INPP4B: variants seen among roughly 807,000 people sequenced by gnomAD.
The protein encoded by INPP4B is inositol polyphosphate-4-phosphatase type II B.
A neutral mutation model predicts 122.5 loss-of-function variants in INPP4B; 55 were observed. The observed-to-expected ratio is 0.45, with a 90% CI of 0.36 to 0.56. The LOEUF is 0.56. Ranked by LOEUF, INPP4B falls within the 20% of genes least tolerant of loss-of-function variation. INPP4B has a pLI of 0.00. For synonymous variants in INPP4B, 403 were observed against 388.7 expected (o/e 1.04, Z -0.43); for missense variants, 1,000 against 1,097.7 (o/e 0.91, Z 1.26).
chr4:142,747,592 T>A (rs1450862591), intron 1 of INPP4B, among the ~76,000 whole-genome samples: 1 of 152,176 alleles, frequency 6.6e-6, no homozygotes, highest in Admixed American at 6.6e-5. Flanking sequence ...TGTGGCACTG[T>A]TCACAATAGC....
chr4:142,302,177 T>G (rs1262605733), intron 9 of INPP4B, among the ~76,000 whole-genome samples: 1 of 152,034 alleles, frequency 6.6e-6, no homozygotes, highest in Non-Finnish European at 1.5e-5. Context: ...CCCCTTAAAC[T>G]AACAGGCCCT....
chr4:142,783,401 A>G (rs1277867872), intron 1 of INPP4B, among the ~76,000 whole-genome samples: 4 of 152,152 alleles, frequency 2.6e-5, no homozygotes, highest in Non-Finnish European at 4.4e-5. Context: ...GCAGCCAAAA[A>G]ACACATGAAA....
At chr4:142,800,003 A>C (rs953806193) in intron 1 of INPP4B, among the ~76,000 whole-genome samples, 21 of 152,222 alleles carry the variant, frequency 1.4e-4, no homozygotes, top group Middle Eastern at 3.4e-3. Flanking sequence ...AAGTATAAAT[A>C]CTGAATCTAA....
At chr4:142,552,443 A>C (rs933884460) in intron 2 of INPP4B, among the ~76,000 whole-genome samples, 18 of 151,940 alleles carry the variant, frequency 1.2e-4, no homozygotes, top group African/African-American at 4.3e-4. Context: ...AAAAAAAAAC[A>C]AAAAGAAGAA....
At chr4:142,573,271 G>A (rs1166405402) in intron 2 of INPP4B, among the ~76,000 whole-genome samples, 1 of 151,972 alleles carries the variant, frequency 6.6e-6, no homozygotes, top group Non-Finnish European at 1.5e-5. Context: ...ACCCAACACT[G>A]GACATGAGAC....
At chr4:142,606,465 C>A (rs768873256) in intron 2 of INPP4B, among the ~76,000 whole-genome samples, 1 of 151,816 alleles carries the variant, frequency 6.6e-6, no homozygotes, top group Non-Finnish European at 1.5e-5. Flanking sequence ...ACCCCAATTA[C>A]CCTGACTTGA....
chr4:142,290,652 C>T (rs1756046343), intron 9 of INPP4B, among the ~76,000 whole-genome samples: 2 of 152,156 alleles, frequency 1.3e-5, no homozygotes, highest in Admixed American at 1.3e-4. Context: ...ACTACCACCA[C>T]CACCATTGCC....
chr4:142,081,635 G>A (rs1347472080), intron 25 of INPP4B, among the ~76,000 whole-genome samples: 1 of 152,012 alleles, frequency 6.6e-6, no homozygotes, highest in Non-Finnish European at 1.5e-5. Flanking sequence ...GTTTAATTTT[G>A]CAAGTACTCA....
At chr4:142,390,009 ATT>A (rs1003604422) in intron 7 of INPP4B, among the ~76,000 whole-genome samples, 3 of 152,320 alleles carry the variant, frequency 2.0e-5, no homozygotes, top group Admixed American at 6.5e-5. Context: ...TTAAAGGGGT[ATT>A]AAGTTTTTCT....
At chr4:142,115,747 C>T (rs2152721709) in intron 21 of INPP4B, among the ~76,000 whole-genome samples, 1 of 152,238 alleles carries the variant, frequency 6.6e-6, no homozygotes, top group East Asian at 1.9e-4. Flanking sequence ...GAAGAAACTG[C>T]ATCAACTAAC....
At chr4:142,688,733 A>G (rs1759726002) in intron 2 of INPP4B, among the ~76,000 whole-genome samples, 1 of 152,208 alleles carries the variant, frequency 6.6e-6, no homozygotes, top group African/African-American at 2.4e-5. Flanking sequence ...TTGTAGGACT[A>G]ACAAATTCGC....
At chr4:142,573,623 T>C (rs574316290) in intron 2 of INPP4B, among the ~76,000 whole-genome samples, 2 of 152,206 alleles carry the variant, frequency 1.3e-5, no homozygotes, top group East Asian at 1.9e-4. Flanking sequence ...AAAACCTCCA[T>C]CTATTACCTT....
intron 2 of INPP4B, among the ~76,000 whole-genome samples, chr4:142,717,302 A>G (rs979646266): frequency 9.2e-5 from 14 of 152,232 alleles, no homozygotes; most frequent in Non-Finnish European, 1.9e-4. Context: ...CTTACTATGT[A>G]CCAGTAACTA....
At chr4:142,788,737 A>T (rs931967734) in intron 1 of INPP4B, among the ~76,000 whole-genome samples, 3 of 152,012 alleles carry the variant, frequency 2.0e-5, no homozygotes, top group African/African-American at 7.2e-5. Context: ...TCCATTCTTG[A>T]GTTACTTCAC....
At chr4:142,808,103 TAC>T (rs34768563) in intron 1 of INPP4B, among the ~76,000 whole-genome samples, 13 of 149,350 alleles carry the variant, frequency 8.7e-5, no homozygotes, top group East Asian at 2.0e-4. Flanking sequence ...CATGATAAAA[TAC>T]ACACACACAC....
At chr4:142,098,392 C>T (rs1469193192) in intron 23 of INPP4B, among the ~76,000 whole-genome samples, 1 of 152,064 alleles carries the variant, frequency 6.6e-6, no homozygotes, top group African/African-American at 2.4e-5. Context: ...TTGGGGGTTA[C>T]TGGAAGAGTT....
At chr4:142,087,948 T>C (rs1277251439) in intron 23 of INPP4B, among the ~76,000 whole-genome samples, 1 of 152,090 alleles carries the variant, frequency 6.6e-6, no homozygotes, top group Non-Finnish European at 1.5e-5. Context: ...TTCAGATAGG[T>C]TTAGGGAAGT....
chr4:142,100,089 A>G (rs2152634451), intron 23 of INPP4B, among the ~76,000 whole-genome samples: 1 of 152,288 alleles, frequency 6.6e-6, no homozygotes, highest in South Asian at 2.1e-4. Context: ...ACTGAGTAGC[A>G]CAGGGGTCGA....
chr4:142,120,075 T>C (rs10006285), intron 21 of INPP4B, among the ~76,000 whole-genome samples: 18,957 of 151,776 alleles, frequency 0.12, 1,330 homozygotes, highest in East Asian at 0.24. Context: ...AAACCAATTG[T>C]CCCAGCATCA....
Sources: gnomAD v4.1 joint callset for allele counts (sites outside exome capture counted in the v4.1 genomes callset) on GRCh38, gnomAD v4.1.1 for gene constraint, MANE v1.5 for transcripts, NCBI Gene and HGNC (gene_info 2026-07-23, HGNC 2026-07-21) for gene names.